VPS50: variants seen among roughly 807,000 people sequenced by gnomAD.
VPS50 encodes the protein VPS50 subunit of EARP/GARPII complex, also known as syndetin.
Under a neutral mutation model 139.7 loss-of-function variants are expected in VPS50, and 70 were observed. That is an observed-to-expected ratio of 0.50 (90% CI 0.41 to 0.61). The LOEUF (loss-of-function observed/expected upper bound fraction) is 0.61, where lower values mean the gene tolerates loss of function less well. Ranked by LOEUF, VPS50 falls within the 20% of genes least tolerant of loss-of-function variation. VPS50 has a pLI of 0.00. For synonymous variants in VPS50, 365 were observed against 376.7 expected (o/e 0.97, Z 0.36); for missense variants, 921 against 1,133.7 (o/e 0.81, Z 2.69).
chr7:93,259,690 T>G, intron 9 of VPS50, 58 bp downstream of exon 9: 1 of 847,478 alleles, frequency 1.2e-6, no homozygotes, highest in Admixed American at 1.9e-5. Context: ...ATGTAGCAGC[T>G]GTGTAAAAAT....
chr7:93,294,681 TG>T (rs1796754437), intron 14 of VPS50, 45 bp downstream of exon 14: 1 of 1,403,852 alleles, frequency 7.1e-7, no homozygotes, highest in Non-Finnish European at 9.8e-7. Context: ...GCAATAGAAA[TG>T]TCATGTCATA....
intron 21 of VPS50, 161 bp from the exon 22 acceptor site, chr7:93,333,956 G>C: frequency 1.7e-6 from 1 of 582,276 alleles, no homozygotes; most frequent in Non-Finnish European, 3.0e-6. Flanking sequence ...CTTGAGATTT[G>C]ACTCCTTTGT....
rs534939216 is a variant in VPS50, at chr7:93,306,088, C to T, written c.1629+84C>T. 114 of 985,154 alleles carry T rather than the reference C, an allele frequency of 1.2e-4. No individual in the cohort carries two copies. In the South Asian group the frequency reaches 1.3e-3, roughly 11 times the overall value. 61.0% of individuals were successfully genotyped at this position (985,154 alleles called of 1,614,324 possible). On this transcript the variant is annotated intron_variant, in intron 18 of 27. Coordinates refer to ENST00000305866, the MANE Select transcript of VPS50 (RefSeq NM_017667.4). ...TGAACAAGGCAATTCACTACATTTA[C>T]GTATCCATTTACTACCACCCTGCCT...
intron 16 of VPS50, among the ~76,000 whole-genome samples, 181 bp from the exon 17 acceptor site, chr7:93,303,274 TGATAA>T (rs1315453011): frequency 6.6e-6 from 1 of 151,922 alleles, no homozygotes. Context: ...CTCTCAAGGA[TGATAA>T]GATATTAACT....
intron 19 of VPS50, among the ~76,000 whole-genome samples, chr7:93,310,613 A>G (rs1449721994): frequency 6.6e-6 from 1 of 151,728 alleles, no homozygotes; most frequent in Non-Finnish European, 1.5e-5. Flanking sequence ...CTTTCTTGTC[A>G]CTTTTCCCTC....
intron 2 of VPS50, among the ~76,000 whole-genome samples, chr7:93,248,832 A>G (rs1795231228): frequency 6.6e-6 from 1 of 152,162 alleles, no homozygotes; most frequent in South Asian, 2.1e-4. Flanking sequence ...GGGACTAAAA[A>G]GAACACGGTG....
chr7:93,310,882 G>A (rs1033099115), intron 19 of VPS50, among the ~76,000 whole-genome samples: 1 of 151,944 alleles, frequency 6.6e-6, no homozygotes, highest in Non-Finnish European at 1.5e-5. Flanking sequence ...GCACCTAGAT[G>A]TATTATTATC....
At chr7:93,327,545 G>A (rs993369296) in intron 21 of VPS50, among the ~76,000 whole-genome samples, 55 of 151,950 alleles carry the variant, frequency 3.6e-4, no homozygotes, top group African/African-American at 1.2e-3. Context: ...TTTGATTTAA[G>A]GTTTGTTATG....
intron 20 of VPS50, among the ~76,000 whole-genome samples, chr7:93,312,196 T>A (rs1213597542): frequency 6.6e-6 from 1 of 152,206 alleles, no homozygotes; most frequent in East Asian, 1.9e-4. Flanking sequence ...TACCTTTTCA[T>A]GATGCTCAGA....
intron 9 of VPS50, among the ~76,000 whole-genome samples, chr7:93,269,802 A>G (rs1235032637): frequency 6.6e-6 from 1 of 151,954 alleles, no homozygotes; most frequent in East Asian, 1.9e-4. Flanking sequence ...GATTTTTTAT[A>G]TTTTTGTTTT....
At chr7:93,304,144 A>G (rs1425623576) in intron 17 of VPS50, among the ~76,000 whole-genome samples, 7 of 152,014 alleles carry the variant, frequency 4.6e-5, no homozygotes, top group African/African-American at 1.7e-4. Context: ...CCCTTGGTTG[A>G]AACACATTGT....
chr7:93,258,409 T>C lies in VPS50; in HGVS notation c.576+17T>C. 1 of 1,609,796 alleles carries C rather than the reference T, an allele frequency of 6.2e-7. No individual in the cohort carries two copies. The highest frequency in any genetic ancestry group is 8.5e-7 in the Non-Finnish European group (1 of 1,176,414). ...ATGCTGGAGGTAAGTTAACAAGTTT[T>C]GGAAATTTAGGGTCCTACTGATATA... is the stretch of plus-strand genomic sequence containing the variant. On this transcript the variant is annotated intron_variant, in intron 8 of 27. Coordinates refer to ENST00000305866, the MANE Select transcript of VPS50 (RefSeq NM_017667.4).
intron 4 of VPS50, among the ~76,000 whole-genome samples, chr7:93,254,626 TAGTCA>T (rs1042319574): frequency 3.9e-5 from 6 of 152,226 alleles, no homozygotes; most frequent in African/African-American, 1.4e-4. Context: ...GTCTGAATTG[TAGTCA>T]CTAATTATGA....
At chr7:93,329,851 C>A (rs1797883691) in intron 21 of VPS50, among the ~76,000 whole-genome samples, 3 of 151,856 alleles carry the variant, frequency 2.0e-5, no homozygotes, top group African/African-American at 7.3e-5. Context: ...ATAAAAAGAA[C>A]AAAAATACTA....
At chr7:93,349,094 G>C (rs1406858054) in intron 24 of VPS50, among the ~76,000 whole-genome samples, 1 of 152,162 alleles carries the variant, frequency 6.6e-6, no homozygotes. Context: ...ATTTAACCCA[G>C]ACTGGAGAAG....
At chr7:93,317,633 C>G (rs1797468199) in intron 20 of VPS50, among the ~76,000 whole-genome samples, 1 of 152,190 alleles carries the variant, frequency 6.6e-6, no homozygotes, top group Non-Finnish European at 1.5e-5. Flanking sequence ...TAGGGTATAA[C>G]CTGAAAACGG....
intron 13 of VPS50, 79 bp from the exon 14 acceptor site, chr7:93,294,466 A>T: frequency 8.1e-7 from 1 of 1,229,482 alleles, no homozygotes; most frequent in Non-Finnish European, 1.1e-6. Flanking sequence ...ACAATGTGTG[A>T]GAGGCCAAAT....
At chr7:93,292,903 T>G (rs1394465457) in intron 13 of VPS50, among the ~76,000 whole-genome samples, 1 of 152,138 alleles carries the variant, frequency 6.6e-6, no homozygotes, top group African/African-American at 2.4e-5. Flanking sequence ...CAGGTCAGAC[T>G]ACTTTTACCC....
chr7:93,356,147 GTTAT>G, intron 27 of VPS50, 67 bp downstream of exon 27: 1 of 761,028 alleles, frequency 1.3e-6, no homozygotes, highest in Non-Finnish European at 2.0e-6. Flanking sequence ...TGTTGGGTGT[GTTAT>G]TTAATTCAAA....
Sources: allele counts gnomAD v4.1 joint callset (sites outside exome capture counted in the v4.1 genomes callset), GRCh38; gene constraint gnomAD v4.1.1; transcripts MANE v1.5; gene names NCBI Gene and HGNC (gene_info 2026-07-23, HGNC 2026-07-21).